Variants in MGST1 observed in about 807,000 individuals in gnomAD.
MGST1 encodes microsomal glutathione S-transferase 1.
MGST1 carries 5 observed loss-of-function variants against 8.9 expected under a neutral mutation model. The ratio of observed to expected loss-of-function variants is 0.56; its 90% CI spans 0.29 to 1.19. The LOEUF (loss-of-function observed/expected upper bound fraction) is 1.19, where lower values mean the gene tolerates loss of function less well. MGST1 is among the 50% of genes most tolerant of loss of function. The pLI, the probability that MGST1 is intolerant of heterozygous loss-of-function variation, is 0.08. For missense variants in MGST1, 182 were observed against 187.4 expected, an observed-to-expected ratio of 0.97 and a Z score of 0.17; for synonymous variants, 54 against 67.8, an observed-to-expected ratio of 0.80 and a Z score of 1.00.
At chr12:16,483,137 A>G (rs1032579104) in intron 4 of MGST1, among the ~76,000 whole-genome samples, 6 of 152,218 alleles carry the variant, frequency 3.9e-5, no homozygotes, top group Non-Finnish European at 7.3e-5. Flanking sequence ...GCCTGCTAAA[A>G]TCATTCATTC....
chr12:16,496,405 A>AC (rs1055172204), intron 4 of MGST1, among the ~76,000 whole-genome samples: 1 of 152,180 alleles, frequency 6.6e-6, no homozygotes, highest in African/African-American at 2.4e-5. Context: ...GAAGATAAGA[A>AC]CAGTAAACTA....
chr12:16,365,799 C>T (rs977300817), downstream of MGST1, among the ~76,000 whole-genome samples: 3 of 152,182 alleles, frequency 2.0e-5, no homozygotes, highest in Non-Finnish European at 4.4e-5. Flanking sequence ...CTGACTTATG[C>T]TGTCTGATCT....
intron 4 of MGST1, among the ~76,000 whole-genome samples, chr12:16,572,657 ACCT>A (rs1942855966): frequency 6.8e-6 from 1 of 148,054 alleles, no homozygotes; most frequent in South Asian, 2.1e-4. Flanking sequence ...TAAGTCAGTT[ACCT>A]CTGACTTAAA....
chr12:16,386,263 C>A (rs577226941), intron 1 of MGST1, among the ~76,000 whole-genome samples: 10 of 152,304 alleles, frequency 6.6e-5, no homozygotes, highest in Admixed American at 6.5e-4. Flanking sequence ...TTTTGGACAT[C>A]AGTGCTGTAC....
intron 1 of MGST1, among the ~76,000 whole-genome samples, chr12:16,386,467 A>C (rs1207993086): frequency 6.6e-6 from 1 of 152,192 alleles, no homozygotes; most frequent in Non-Finnish European, 1.5e-5. Context: ...ATCTCTATAG[A>C]GGTCCTGGGA....
Position 16,517,529 on chromosome 12 carries a change from G to A in MGST1, n.483-71999G>A. ...TGAGCCAAATAAAATATTATTGTTT[G>A]TAAATTACCCAGTCAGTGCTATTTT... On this transcript the variant is annotated intron_variant and non_coding_transcript_variant, in intron 4 of 4. Transcript: ENST00000538857. The surrounding 1 kb of genome is among the most constrained non-coding windows in gnomAD (Gnocchi z 4.2). Among the ~76,000 whole-genome samples, 1 of 152,134 alleles carries A rather than the reference G, an allele frequency of 6.6e-6. No individual in the cohort carries two copies. The highest frequency in any genetic ancestry group is 1.9e-4 in the East Asian group (1 of 5,190).
Position 16,522,002 on chromosome 12 carries a change from T to C in MGST1, n.483-67526T>C, listed in dbSNP as rs567841902. Reference sequence around the variant, plus strand: ...TGTGGCCACACGGTGCAGCTCCGACTTCTGAACATTTTTCCCCAATTATTT... The same window carrying C: ...TGTGGCCACACGGTGCAGCTCCGACCTCTGAACATTTTTCCCCAATTATTT... On this transcript the variant is annotated intron_variant and non_coding_transcript_variant, in intron 4 of 4. Transcript: ENST00000538857. 3.3e-5 allele frequency among the ~76,000 whole-genome samples: 5 copies of C among 152,266 alleles called. No individual in the cohort carries two copies. The East Asian group carries it at 9.7e-4, about 29-fold the overall frequency.
intron 4 of MGST1, among the ~76,000 whole-genome samples, chr12:16,561,261 ATG>A (rs898929323): frequency 6.6e-6 from 1 of 152,220 alleles, no homozygotes; most frequent in Non-Finnish European, 1.5e-5. Flanking sequence ...ACAAAATAAA[ATG>A]TCTCTCATTT....
At chr12:16,372,896 T>G (rs1411368889) in intron 3 of MGST1, among the ~76,000 whole-genome samples, 1 of 147,828 alleles carries the variant, frequency 6.8e-6, no homozygotes, top group Non-Finnish European at 1.5e-5. Context: ...TTATGTAGTA[T>G]ATTATATATT....
Position 16,559,056 on chromosome 12 carries a change from A to G in MGST1, n.483-30472A>G, listed in dbSNP as rs367584420. The stretch of plus-strand genomic sequence containing the variant: ...TGTCACATTCTTTCTACTATTCTAC[A>G]GGGTCTCATAAGAAGATTCTGCATC... On this transcript the variant is annotated intron_variant and non_coding_transcript_variant, in intron 4 of 4. Coordinates refer to the MGST1 transcript ENST00000538857. The surrounding 1 kb of genome is among the most constrained non-coding windows in gnomAD (Gnocchi z 4.1). Among the ~76,000 whole-genome samples the G allele has an allele frequency of 1.3e-5, 2 of 152,160 alleles. No homozygotes were observed. The highest frequency in any genetic ancestry group is 4.8e-5 in the African/African-American group (2 of 41,430).
At chr12:16,451,997 A>T (rs935699918) in intron 4 of MGST1, among the ~76,000 whole-genome samples, 8 of 151,884 alleles carry the variant, frequency 5.3e-5, no homozygotes, top group African/African-American at 1.9e-4. Flanking sequence ...GACCCCCTCC[A>T]GCCAGAGCAA....
intron 4 of MGST1, among the ~76,000 whole-genome samples, chr12:16,565,982 CCATATATATATATATATATA>C (rs1565488151): frequency 2.3e-5 from 1 of 44,316 alleles, no homozygotes; most frequent in African/African-American, 9.0e-5. Flanking sequence ...AGAAAATGTG[CCATATATATATATATATATA>C]TATATATATA....
At chr12:16,461,282 A>G (rs1356525101) in intron 4 of MGST1, among the ~76,000 whole-genome samples, 1 of 151,922 alleles carries the variant, frequency 6.6e-6, no homozygotes, top group Admixed American at 6.6e-5. Context: ...TAATCCATAG[A>G]TACCCTGAAC....
At chr12:16,459,735 G>C (rs866750843) in intron 4 of MGST1, among the ~76,000 whole-genome samples, 5 of 152,004 alleles carry the variant, frequency 3.3e-5, no homozygotes, top group Admixed American at 6.6e-5. Flanking sequence ...GTGTCACACA[G>C]AGTAACTCTG....
rs182376611 is a variant in MGST1, at chr12:16,534,696, C to A, written n.483-54832C>A. 4.7e-3 allele frequency among the ~76,000 whole-genome samples: 720 copies of A among 152,126 alleles called. 5 individuals carry two copies. Among genetic ancestry groups the A allele is most frequent in the Non-Finnish European group, 6.8e-3 (465 of 67,972 alleles). On this transcript the variant is annotated intron_variant and non_coding_transcript_variant, in intron 4 of 4. Coordinates refer to the MGST1 transcript ENST00000538857. Reference sequence around the variant, plus strand: ...GGGTTTTTATTTTTCTAGACAATAACCTTTTTTAAAAAATGTGAGATAGTG... The same window carrying A: ...GGGTTTTTATTTTTCTAGACAATAAACTTTTTTAAAAAATGTGAGATAGTG...
chr12:16,357,352 C>T (rs2075238), intron 2 of MGST1, among the ~76,000 whole-genome samples: 8,919 of 152,144 alleles, frequency 0.059, 423 homozygotes, highest in East Asian at 0.21. Flanking sequence ...CTCAACCTCT[C>T]GGGCTCAGGT....
In MGST1 at chr12:16,587,568, C is replaced by G. The variant is rs548148403; in HGVS notation, n.483-1960C>G. On this transcript the variant is annotated intron_variant and non_coding_transcript_variant, in intron 4 of 4. Transcript: ENST00000538857. The surrounding 1 kb of genome is among the most constrained non-coding windows in gnomAD (Gnocchi z 4.3). ...CCTTAATAGTAGCCTACATGGTTGA[C>G]TACCCTTGGTGTTAAATTTTCTTAA... Among the ~76,000 whole-genome samples, 2 of 152,190 alleles carry G rather than the reference C, an allele frequency of 1.3e-5. No homozygotes were observed. The highest frequency in any genetic ancestry group is 2.1e-4 in the South Asian group (1 of 4,824).
At chr12:16,509,659 C>T (rs1172890355) in intron 4 of MGST1, among the ~76,000 whole-genome samples, 3 of 152,142 alleles carry the variant, frequency 2.0e-5, no homozygotes, top group Non-Finnish European at 4.4e-5. Flanking sequence ...TGTATTTATC[C>T]ATGCCTGAGT....
In MGST1 at chr12:16,362,260, G is replaced by C. The variant is rs776201198; in HGVS notation, c.222-1535G>C. On this transcript the variant is annotated intron_variant, in intron 3 of 3. Transcript: ENST00000396210. The surrounding 1 kb of genome is among the most constrained non-coding windows in gnomAD (Gnocchi z 4.4). ...TCTCATTCTCAGTAGTACTTGTATT[G>C]CTCCATGAAAGAGAGGGCACAGGAA... Among the ~76,000 whole-genome samples, 4 of 152,090 alleles carry C rather than the reference G, an allele frequency of 2.6e-5. No homozygotes were observed. The highest frequency in any genetic ancestry group is 5.9e-5 in the Non-Finnish European group (4 of 68,010).
Sources: gnomAD v4.1 joint callset for allele counts (sites outside exome capture counted in the v4.1 genomes callset) on GRCh38, gnomAD v4.1.1 for gene constraint, Gnocchi (gnomAD v3.1) non-coding constraint, MANE v1.5 for transcripts, NCBI Gene and HGNC (gene_info 2026-07-23, HGNC 2026-07-21) for gene names.